NEMP2: variants seen among roughly 807,000 people sequenced by gnomAD.
NEMP2 encodes the protein UPF0571 transmembrane protein.
A neutral mutation model predicts 54.2 loss-of-function variants in NEMP2; 53 were observed. The observed-to-expected ratio is 0.98, with a 90% CI of 0.78 to 1.23. The LOEUF is 1.23. Ranked by LOEUF, NEMP2 falls within the 50% of genes most tolerant of loss-of-function variation. The probability of loss-of-function intolerance (pLI) is 0.00; values close to 1 mark genes in which losing one functional copy is unlikely to be tolerated. For missense variants in NEMP2, 455 were observed against 511.3 expected (o/e 0.89, Z 1.06); for synonymous variants, 197 against 190.3 (o/e 1.04, Z -0.29).
the NEMP2 span, among the ~76,000 whole-genome samples, chr2:190,560,204 C>G: frequency 6.6e-6 from 1 of 152,106 alleles, no homozygotes; most frequent in Admixed American, 6.5e-5. This position sits in a 1 kb window ranked among gnomAD's most constrained non-coding sequence, Gnocchi z 5.4. Context: ...GGTAGGAGCC[C>G]GTGGGTGGGA....
the NEMP2 span, among the ~76,000 whole-genome samples, chr2:190,566,067 C>T: frequency 6.6e-6 from 1 of 151,048 alleles, no homozygotes; most frequent in Non-Finnish European, 1.5e-5. Context: ...TGAAGCAATC[C>T]CTGAAAAGGC....
In NEMP2 at chr2:190,519,051, C is replaced by T. The variant is rs192032539; in HGVS notation, c.346G>A (p.Glu116Lys). Residue 116 changes from glutamate (E) to lysine (K), a missense_variant, in exon 3 of 9, where the codon GAA becomes AAA. By Grantham distance (56) the Glu-to-Lys change is moderately conservative (BLOSUM62 1). This residue lies in a region of NEMP2 where 61 missense variants were observed against 97.5 expected (regional missense o/e 0.63). Coordinates refer to ENST00000409150, the MANE Select transcript of NEMP2 (RefSeq NM_001142645.2). The surrounding 1 kb of genome is among the most constrained non-coding windows in gnomAD (Gnocchi z 5.4). The part of the protein sequence containing the change: ...HNFWIPKESN[E>K]ITIIINPYRE... The stretch of plus-strand genomic sequence containing the variant: ...TATGGATTGATGATTATGGTTATTT[C>T]GTTAGATTCCTTTGGTATCCAAAAG... 3.8e-4 allele frequency: 582 copies of T among 1,551,068 alleles called. 2 individuals carry two copies. The African/African-American group carries it at 7.2e-3, about 19-fold the overall frequency.
At position 190,514,431 on chromosome 2, in the gene NEMP2, G is replaced by T. The variant is rs756077340; in HGVS notation, c.953+22C>A. On this transcript the variant is annotated intron_variant, in intron 7 of 8. Transcript: ENST00000409150. This position sits in a 1 kb window ranked among gnomAD's most constrained non-coding sequence, Gnocchi z 5.7. ...TAGAGCTCAAAATGTCAAATTTGCT[G>T]GGGGAAAAAAATGATACATACCACC... 18 of 1,538,608 alleles carry T rather than the reference G, an allele frequency of 1.2e-5. No individual in the cohort carries two copies. In the South Asian group the frequency reaches 1.9e-4, roughly 16 times the overall value.
chr2:190,542,795 A>G, the NEMP2 span, among the ~76,000 whole-genome samples: 1 of 152,174 alleles, frequency 6.6e-6, no homozygotes, highest in South Asian at 2.1e-4. This position sits in a 1 kb window ranked among gnomAD's most constrained non-coding sequence, Gnocchi z 4.6. Context: ...ATTCTGTGTT[A>G]TCTTAGAGAT....
At chr2:190,437,410 T>C in the NEMP2 span, 1 of 1,614,232 alleles carries the variant, frequency 6.2e-7, no homozygotes, top group Middle Eastern at 1.6e-4. The surrounding 1 kb of genome is among the most constrained non-coding windows in gnomAD (Gnocchi z 5.9). Context: ...GGGTTTTGGA[T>C]ATGGCTTCGT....
chr2:190,481,032 C>G, the NEMP2 span, among the ~76,000 whole-genome samples: 3 of 152,188 alleles, frequency 2.0e-5, no homozygotes, highest in Non-Finnish European at 2.9e-5. Context: ...TCAGTGCACA[C>G]TATTAATAAA....
At chr2:190,465,409 A>C in the NEMP2 span, among the ~76,000 whole-genome samples, 1 of 150,818 alleles carries the variant, frequency 6.6e-6, no homozygotes. The surrounding 1 kb of genome is among the most constrained non-coding windows in gnomAD (Gnocchi z 4.6). Flanking sequence ...GTAGGTATCT[A>C]TATCTCGTGG....
intron 6 of NEMP2, among the ~76,000 whole-genome samples, chr2:190,515,290 G>A (rs1053763339): frequency 4.6e-5 from 7 of 152,160 alleles, no homozygotes; most frequent in African/African-American, 1.4e-4. Flanking sequence ...CTATCATAAA[G>A]GGGTCATCAG....
the NEMP2 span, among the ~76,000 whole-genome samples, chr2:190,475,149 T>A: frequency 2.3e-3 from 356 of 152,258 alleles, 1 homozygote; most frequent in African/African-American, 7.9e-3. Context: ...CTTTGAAAAC[T>A]GACACAAGAC....
At chr2:190,497,309 G>A in the NEMP2 span, 1 of 1,004,384 alleles carries the variant, frequency 1.0e-6, no homozygotes, top group Admixed American at 2.6e-5. The surrounding 1 kb of genome is among the most constrained non-coding windows in gnomAD (Gnocchi z 5.2). Context: ...TTGGTAACCA[G>A]CAATTTATTA....
At chr2:190,596,929 G>A in the NEMP2 span, among the ~76,000 whole-genome samples, 1 of 151,966 alleles carries the variant, frequency 6.6e-6, no homozygotes, top group Non-Finnish European at 1.5e-5. The surrounding 1 kb of genome is among the most constrained non-coding windows in gnomAD (Gnocchi z 5.1). Context: ...AAATGTTGTG[G>A]GTGTTTACAA....
the NEMP2 span, among the ~76,000 whole-genome samples, chr2:190,611,160 A>G: frequency 6.6e-6 from 1 of 152,252 alleles, no homozygotes; most frequent in African/African-American, 2.4e-5. This position sits in a 1 kb window ranked among gnomAD's most constrained non-coding sequence, Gnocchi z 5.4. Flanking sequence ...GTGGCACACA[A>G]TAATTTAACA....
upstream of NEMP2, chr2:190,535,780 T>C (rs1691356456): frequency 1.3e-5 from 2 of 152,238 alleles, no homozygotes; most frequent in African/African-American, 4.8e-5. Flanking sequence ...TAAGGGACTC[T>C]TCAGAGGGAT....
chr2:190,573,037 G>T, the NEMP2 span, among the ~76,000 whole-genome samples: 1 of 151,476 alleles, frequency 6.6e-6, no homozygotes, highest in African/African-American at 2.4e-5. Context: ...AGAAAATGTG[G>T]ACATTTTCTT....
chr2:190,613,744 T>C, the NEMP2 span, among the ~76,000 whole-genome samples: 4 of 152,172 alleles, frequency 2.6e-5, no homozygotes, highest in African/African-American at 9.6e-5. Context: ...CCCACCACCA[T>C]GCCCGGCTAA....
At chr2:190,445,744 T>A in the NEMP2 span, among the ~76,000 whole-genome samples, 38 of 152,332 alleles carry the variant, frequency 2.5e-4, no homozygotes, top group South Asian at 2.3e-3. Context: ...GGAATTTTTT[T>A]AAAAAGTTAA....
chr2:190,564,597 T>C, the NEMP2 span, among the ~76,000 whole-genome samples: 2 of 152,234 alleles, frequency 1.3e-5, no homozygotes, highest in Non-Finnish European at 2.9e-5. The surrounding 1 kb of genome is among the most constrained non-coding windows in gnomAD (Gnocchi z 4.2). Flanking sequence ...GGCAGATCTA[T>C]ATGATTTAAC....
the NEMP2 span, among the ~76,000 whole-genome samples, chr2:190,470,078 C>G: frequency 2.0e-5 from 3 of 152,184 alleles, no homozygotes; most frequent in Non-Finnish European, 4.4e-5. Flanking sequence ...TTGATCCACA[C>G]CCTTGTGATT....
At chr2:190,466,968 TGACACTGGGTTATTTTAAGCCAG>T in the NEMP2 span, among the ~76,000 whole-genome samples, 15 of 152,216 alleles carry the variant, frequency 9.9e-5, no homozygotes, top group Admixed American at 9.8e-4. Flanking sequence ...CTGGATCAAT[TGACACTGGGTTATTTTAAGCCAG>T]GAGTTTTGGA....
Sources: gnomAD v4.1 joint callset for allele counts (sites outside exome capture counted in the v4.1 genomes callset) on GRCh38, gnomAD v4.1.1 for gene constraint, gnomAD v4.1.1 regional missense constraint, Gnocchi (gnomAD v3.1) non-coding constraint, MANE v1.5 for transcripts, NCBI Gene and HGNC (gene_info 2026-07-23, HGNC 2026-07-21) for gene names.